The following TMEM132D variants were observed in gnomAD, a reference collection of about 807,000 sequenced individuals.
TMEM132D encodes mature OL transmembrane protein.
A neutral mutation model predicts 62.3 loss-of-function variants in TMEM132D; 21 were observed. That is an observed-to-expected ratio of 0.34 (90% CI 0.24 to 0.49). The LOEUF is 0.49. Ranked by LOEUF, TMEM132D falls within the 20% of genes least tolerant of loss-of-function variation. The pLI, the probability that TMEM132D is intolerant of heterozygous loss-of-function variation, is 0.99. For missense variants in TMEM132D, 1,346 were observed against 1,402.8 expected, an observed-to-expected ratio of 0.96 and a Z score of 0.65; for synonymous variants, 621 against 575.6, an observed-to-expected ratio of 1.08 and a Z score of -1.13.
chr12:129,580,629 G>C (rs886870078), intron 2 of TMEM132D, among the ~76,000 whole-genome samples: 2 of 152,026 alleles, frequency 1.3e-5, no homozygotes, highest in South Asian at 4.1e-4. Flanking sequence ...GCTTAAACCC[G>C]GGAGGCAAAG....
intron 4 of TMEM132D, among the ~76,000 whole-genome samples, chr12:129,244,479 G>C (rs1308512809): frequency 7.1e-6 from 1 of 140,566 alleles, no homozygotes; most frequent in African/African-American, 2.7e-5. Flanking sequence ...ACGGTGCATA[G>C]ACAATGCTTA....
intron 4 of TMEM132D, among the ~76,000 whole-genome samples, chr12:129,310,078 G>T (rs1031857501): frequency 2.0e-5 from 3 of 152,014 alleles, no homozygotes; most frequent in Admixed American, 6.6e-5. Flanking sequence ...TCTAGATGAG[G>T]GCTGGCCGAG....
rs1593250018 is a variant in TMEM132D at position 129,072,675 on chromosome 12, C to T, written c.*1200G>A. 6.6e-6 allele frequency: 1 copy of T among 152,408 alleles called. No individual in the cohort carries two copies. Among genetic ancestry groups the T allele is most frequent in the East Asian group, 1.9e-4 (1 of 5,174 alleles). 9.4% of individuals were successfully genotyped at this position (152,408 alleles called of 1,614,324 possible). ...GGATCCACCACTTTCACACCCAGAA[C>T]CCCCCCAACTCCACACGCCCTGCAC... On this transcript the variant is annotated 3_prime_UTR_variant, in exon 9 of 9. Transcript: ENST00000422113.
chr12:129,641,998 T>A (rs117886666), intron 2 of TMEM132D, among the ~76,000 whole-genome samples: 1,580 of 152,068 alleles, frequency 0.01, 64 homozygotes, highest in Admixed American at 0.079. Context: ...ACTTTACAGC[T>A]CCATCCCATC....
intron 5 of TMEM132D, among the ~76,000 whole-genome samples, chr12:129,188,599 G>C (rs1878283550): frequency 6.6e-6 from 1 of 152,118 alleles, no homozygotes; most frequent in Admixed American, 6.5e-5. Flanking sequence ...GTCCCCAGTG[G>C]GCTTGTGGAG....
chr12:129,118,297 G>A (rs1318484250), intron 5 of TMEM132D, among the ~76,000 whole-genome samples: 3 of 152,220 alleles, frequency 2.0e-5, no homozygotes, highest in Non-Finnish European at 4.4e-5. Flanking sequence ...AGATGGAAAA[G>A]GTGGTGCTTT....
Position 129,509,908 on chromosome 12 carries a change from G to A in TMEM132D, c.1115+21151C>T, listed in dbSNP as rs577000917. 2.0e-4 allele frequency among the ~76,000 whole-genome samples: 30 copies of A among 152,154 alleles called. No homozygotes were observed. In the Middle Eastern group the frequency reaches 0.01, roughly 52 times the overall value. ...AGGTTGCTTCCAAATCCTGGCTATC[G>A]TGAACAGCACTCCAAGAAACAGAGG... On this transcript the variant is annotated intron_variant, in intron 3 of 8. Coordinates refer to ENST00000422113, the MANE Select transcript of TMEM132D (RefSeq NM_133448.3).
Position 129,750,519 on chromosome 12 carries a change from T to G in TMEM132D, c.80-49821A>C, listed in dbSNP as rs889051582. On this transcript the variant is annotated intron_variant, in intron 1 of 8. Transcript: ENST00000422113. ...CCATTAATATGGTGAAAGACTATGATGGACCAACATTGCAGAATTACAGTA... is the reference window on the plus strand; with the variant it reads ...CCATTAATATGGTGAAAGACTATGAGGGACCAACATTGCAGAATTACAGTA... 8.5e-5 allele frequency among the ~76,000 whole-genome samples: 13 copies of G among 152,354 alleles called. No homozygotes were observed. In the South Asian group the frequency reaches 2.7e-3, roughly 32 times the overall value.
intron 3 of TMEM132D, among the ~76,000 whole-genome samples, chr12:129,378,185 G>A (rs1312140806): frequency 6.6e-6 from 1 of 152,226 alleles, no homozygotes; most frequent in African/African-American, 2.4e-5. Context: ...TAGGTGCCCT[G>A]CACCTGAAAG....
At chr12:129,535,777 C>CGCGT (rs1566102058) in intron 2 of TMEM132D, among the ~76,000 whole-genome samples, 1 of 74,672 alleles carries the variant, frequency 1.3e-5, no homozygotes, top group African/African-American at 5.9e-5. Context: ...GATTTGTGTG[C>CGCGT]GTGTGTGTGT....
intron 2 of TMEM132D, among the ~76,000 whole-genome samples, chr12:129,689,597 T>A (rs1302614350): frequency 1.3e-5 from 2 of 152,208 alleles, no homozygotes; most frequent in African/African-American, 4.8e-5. Context: ...TTCTACCTAT[T>A]TCTTGCACCT....
chr12:129,363,022 A>T (rs1388876847), intron 3 of TMEM132D, among the ~76,000 whole-genome samples: 1 of 152,156 alleles, frequency 6.6e-6, no homozygotes, highest in African/African-American at 2.4e-5. Flanking sequence ...ACATCTGGCA[A>T]CTCAGTGCTT....
intron 3 of TMEM132D, among the ~76,000 whole-genome samples, chr12:129,348,398 C>A (rs927869096): frequency 5.3e-5 from 8 of 152,176 alleles, no homozygotes; most frequent in Non-Finnish European, 8.8e-5. Flanking sequence ...AGTTCATGTC[C>A]TTTGCAGGGA....
chr12:129,868,283 CAT>C lies in TMEM132D; in HGVS notation c.79+34976_79+34977del, dbSNP rs545896150. Among the ~76,000 whole-genome samples, 245 of 152,316 alleles carry C rather than the reference CAT, an allele frequency of 1.6e-3. 1 individual carries two copies. In the Middle Eastern group the frequency reaches 0.017, roughly 11 times the overall value. ...TGAGACAGCATTTCTATGGTACACACATGAGACAGCGTTTATATGGTACATAC... is the reference window on the plus strand; with the variant it reads ...TGAGACAGCATTTCTATGGTACACACGAGACAGCGTTTATATGGTACATAC... On this transcript the variant is annotated intron_variant, in intron 1 of 8. Transcript: ENST00000422113.
chr12:129,248,712 C>T (rs1880188275), intron 4 of TMEM132D, among the ~76,000 whole-genome samples: 2 of 152,142 alleles, frequency 1.3e-5, no homozygotes, highest in Non-Finnish European at 1.5e-5. Flanking sequence ...CCCCGCTCCA[C>T]CCTCCACCCT....
chr12:129,120,035 TA>T (rs112570681), intron 5 of TMEM132D, among the ~76,000 whole-genome samples: 4 of 151,156 alleles, frequency 2.6e-5, no homozygotes, highest in Non-Finnish European at 4.4e-5. Context: ...AGAGAAATAA[TA>T]AAAAAAAGAC....
chr12:129,426,482 C>T (rs1872500775), intron 3 of TMEM132D, among the ~76,000 whole-genome samples: 1 of 152,112 alleles, frequency 6.6e-6, no homozygotes, highest in Non-Finnish European at 1.5e-5. Flanking sequence ...AAGCAATTGG[C>T]AGTGGTTGCC....
At chr12:129,571,609 G>T (rs1877516116) in intron 2 of TMEM132D, among the ~76,000 whole-genome samples, 1 of 151,854 alleles carries the variant, frequency 6.6e-6, no homozygotes, top group African/African-American at 2.4e-5. Flanking sequence ...AATTTAAAAT[G>T]CACCTGAAGA....
At chr12:129,346,432 C>T (rs1351649572) in intron 3 of TMEM132D, among the ~76,000 whole-genome samples, 16 of 152,118 alleles carry the variant, frequency 1.1e-4, no homozygotes, top group Non-Finnish European at 2.4e-4. Flanking sequence ...ATGACTCTGT[C>T]GCCTTCAGTT....
Sources: allele counts gnomAD v4.1 joint callset (sites outside exome capture counted in the v4.1 genomes callset), GRCh38; gene constraint gnomAD v4.1.1; transcripts MANE v1.5; gene names NCBI Gene and HGNC (gene_info 2026-07-23, HGNC 2026-07-21).